FRAS1: variants seen among roughly 807,000 people sequenced by gnomAD.
FRAS1 encodes Fraser extracellular matrix complex subunit 1.
A neutral mutation model predicts 435.2 loss-of-function variants in FRAS1; 290 were observed. The ratio of observed to expected loss-of-function variants is 0.67; its 90% CI spans 0.61 to 0.73. The LOEUF is 0.73. Among genes scored for constraint, FRAS1 ranks in the 30% least tolerant of loss-of-function variants. The pLI is 0.00. For missense variants in FRAS1, 4,860 were observed against 5,001.5 expected (o/e 0.97, Z 0.85); for synonymous variants, 1,800 against 1,851.0 (o/e 0.97, Z 0.71).
At chr4:78,195,179 C>G (rs1280776473) in intron 2 of FRAS1, among the ~76,000 whole-genome samples, 3 of 152,164 alleles carry the variant, frequency 2.0e-5, no homozygotes, top group Non-Finnish European at 1.5e-5. Flanking sequence ...TCAGTCTGCC[C>G]CTACTAGGGG....
intron 18 of FRAS1, among the ~76,000 whole-genome samples, chr4:78,321,981 T>C (rs1410366353): frequency 1.3e-5 from 2 of 152,190 alleles, no homozygotes; most frequent in Non-Finnish European, 2.9e-5. Context: ...TTAGATATCA[T>C]ACATATAGCT....
At chr4:78,245,074 A>G (rs1469945277) in intron 3 of FRAS1, among the ~76,000 whole-genome samples, 159 bp from the exon 4 acceptor site, 2 of 152,204 alleles carry the variant, frequency 1.3e-5, no homozygotes, top group African/African-American at 4.8e-5. Flanking sequence ...ATCTGGACAC[A>G]GAACCTTTTT....
chr4:78,134,515 G>A (rs992619780), intron 2 of FRAS1, among the ~76,000 whole-genome samples: 5 of 152,128 alleles, frequency 3.3e-5, no homozygotes, highest in Non-Finnish European at 7.4e-5. Flanking sequence ...AATGAGAGAA[G>A]AAAAGTGGAA....
intron 19 of FRAS1, among the ~76,000 whole-genome samples, chr4:78,333,824 T>G (rs1730044622): frequency 6.6e-6 from 1 of 152,062 alleles, no homozygotes; most frequent in Non-Finnish European, 1.5e-5. Flanking sequence ...GAGAGAGAGA[T>G]AGGGTTCTGC....
At chr4:78,173,469 T>G (rs1289867794) in intron 2 of FRAS1, among the ~76,000 whole-genome samples, 1 of 152,190 alleles carries the variant, frequency 6.6e-6, no homozygotes, top group Admixed American at 6.5e-5. Flanking sequence ...AGATGCCCTT[T>G]ACTCTTGAGA....
intron 58 of FRAS1, among the ~76,000 whole-genome samples, chr4:78,486,099 G>C (rs12646871): frequency 6.6e-6 from 1 of 152,028 alleles, no homozygotes; most frequent in Non-Finnish European, 1.5e-5. Context: ...TAGCTGCTAC[G>C]GTATCACCCT....
rs1725269720 is a variant in FRAS1 at position 78,246,837 on chromosome 4, G to GA, written c.309+1513dup. 2.6e-5 allele frequency among the ~76,000 whole-genome samples: 4 copies of GA among 152,212 alleles called. No homozygotes were observed. The South Asian group carries it at 8.3e-4, about 32-fold the overall frequency. ...AAATCTTTGCATGGACCACACTAAT[G>GA]ACATCATATGCTCTCTCATGTCATG... On this transcript the variant is annotated intron_variant, in intron 4 of 73. Coordinates refer to ENST00000512123, the MANE Select transcript of FRAS1 (RefSeq NM_025074.7).
intron 66 of FRAS1, 58 bp from the exon 67 acceptor site, chr4:78,519,273 G>GTA: frequency 7.0e-7 from 1 of 1,419,976 alleles, no homozygotes; most frequent in South Asian, 1.7e-5. Flanking sequence ...TGTGGTGATA[G>GTA]TATGTCTTTT....
chr4:78,458,240 T>G (rs762240921), intron 47 of FRAS1, among the ~76,000 whole-genome samples: 10 of 152,190 alleles, frequency 6.6e-5, no homozygotes, highest in Admixed American at 5.9e-4. Flanking sequence ...TCTATCGTTG[T>G]GGAGGCTAGT....
chr4:78,439,726 G>C (rs936312660), intron 40 of FRAS1, among the ~76,000 whole-genome samples: 1 of 152,054 alleles, frequency 6.6e-6, no homozygotes, highest in African/African-American at 2.4e-5. Flanking sequence ...CAACTCTTGG[G>C]CTCAAGCAAT....
Position 78,499,510 on chromosome 4 carries a change from C to CAT in FRAS1, c.9116-210_9116-209insTA, listed in dbSNP as rs1720613211. On this transcript the variant is annotated intron_variant, in intron 60 of 73. Coordinates refer to ENST00000512123, the MANE Select transcript of FRAS1 (RefSeq NM_025074.7). ...TTTTTAATAAGGAACATGTGAGACACAACTCCTGCAGAATCACAAATAAAT... is the reference window on the plus strand; with the variant it reads ...TTTTTAATAAGGAACATGTGAGACACATAACTCCTGCAGAATCACAAATAAAT... Among the ~76,000 whole-genome samples the CAT allele has an allele frequency of 2.6e-5, 4 of 152,140 alleles. No homozygotes were observed. In the South Asian group the frequency reaches 8.3e-4, roughly 32 times the overall value.
chr4:78,237,391 G>A, intron 2 of FRAS1, 119 bp from the exon 3 acceptor site: 1 of 661,148 alleles, frequency 1.5e-6, no homozygotes, highest in Non-Finnish European at 2.7e-6. Context: ...TGTGTGGTGT[G>A]CCTGTGACTT....
At chr4:78,156,743 T>C (rs1364167635) in intron 2 of FRAS1, among the ~76,000 whole-genome samples, 2 of 152,192 alleles carry the variant, frequency 1.3e-5, no homozygotes, top group African/African-American at 4.8e-5. Context: ...AAAAGATGTC[T>C]AACAATCACT....
intron 2 of FRAS1, among the ~76,000 whole-genome samples, chr4:78,113,147 G>T (rs1466499249): frequency 6.6e-6 from 1 of 152,114 alleles, no homozygotes; most frequent in East Asian, 1.9e-4. Context: ...TCCCTACAAA[G>T]GACATGAACT....
At chr4:78,131,442 C>A (rs1437755806) in intron 2 of FRAS1, among the ~76,000 whole-genome samples, 3 of 152,168 alleles carry the variant, frequency 2.0e-5, no homozygotes, top group Non-Finnish European at 4.4e-5. Flanking sequence ...TAGAGTTATA[C>A]TATTTCTTTG....
At chr4:78,490,747 G>C (rs373346570) in intron 59 of FRAS1, among the ~76,000 whole-genome samples, 1 of 152,052 alleles carries the variant, frequency 6.6e-6, no homozygotes, top group East Asian at 1.9e-4. Flanking sequence ...AAAAGAACTA[G>C]AGAAGCAAGA....
At chr4:78,459,987 G>T (rs2109842664) in intron 47 of FRAS1, among the ~76,000 whole-genome samples, 1 of 152,260 alleles carries the variant, frequency 6.6e-6, no homozygotes, top group Non-Finnish European at 1.5e-5. Context: ...GAAATACTGG[G>T]GCTTGGGACT....
intron 2 of FRAS1, among the ~76,000 whole-genome samples, chr4:78,236,066 G>A (rs1178417821): frequency 6.6e-6 from 1 of 152,212 alleles, no homozygotes; most frequent in Non-Finnish European, 1.5e-5. Context: ...TCTCTGAGGT[G>A]CTGAGACTTA....
intron 54 of FRAS1, among the ~76,000 whole-genome samples, chr4:78,476,247 A>C (rs769963122): frequency 4.6e-5 from 7 of 152,182 alleles, no homozygotes; most frequent in Non-Finnish European, 8.8e-5. Flanking sequence ...CAGGTTGACC[A>C]CTGTATAGAT....
Sources: gnomAD v4.1 joint callset for allele counts (sites outside exome capture counted in the v4.1 genomes callset) on GRCh38, gnomAD v4.1.1 for gene constraint, MANE v1.5 for transcripts, NCBI Gene and HGNC (gene_info 2026-07-23, HGNC 2026-07-21) for gene names.